The following CCNB3 variants were observed in gnomAD, a reference collection of about 807,000 sequenced individuals.
The protein encoded by CCNB3 is cyclin B3, also known as G2/mitotic-specific cyclin-B3.
In CCNB3, 12 loss-of-function variants were observed where a neutral mutation model predicts 68.0. That is an observed-to-expected ratio of 0.18 (90% confidence interval 0.11 to 0.29). CCNB3 has a LOEUF of 0.29. Ranked by LOEUF, CCNB3 falls within the 10% of genes least tolerant of loss-of-function variation. The pLI is 1.00. For missense variants in CCNB3, 904 were observed against 993.1 expected, an observed-to-expected ratio of 0.91 and a Z score of 1.21; for synonymous variants, 354 against 388.9, an observed-to-expected ratio of 0.91 and a Z score of 1.06.
At chrX:50,340,397 G>A (rs1194377865) in intron 8 of CCNB3, among the ~76,000 whole-genome samples, 1 of 112,589 alleles carries the variant, frequency 8.9e-6, no homozygotes, top group Admixed American at 9.4e-5. Flanking sequence ...TTCATGCATT[G>A]GTTGAGTTGT....
intron 1 of CCNB3, among the ~76,000 whole-genome samples, chrX:50,216,283 G>A (rs1935571087): frequency 9.6e-6 from 1 of 103,928 alleles, no homozygotes; most frequent in African/African-American, 3.6e-5. Flanking sequence ...GTGTGTGTGT[G>A]TGTGAGACAG....
chrX:50,306,472 C>T (rs1921079878), intron 5 of CCNB3, among the ~76,000 whole-genome samples: 1 of 111,370 alleles, frequency 9.0e-6, no homozygotes, highest in Non-Finnish European at 1.9e-5. Flanking sequence ...GTTTTCTTGC[C>T]TACTTGCCCT....
intron 5 of CCNB3, among the ~76,000 whole-genome samples, chrX:50,295,560 A>T (rs782121526): frequency 9.0e-6 from 1 of 111,642 alleles, no homozygotes; most frequent in South Asian, 3.8e-4. Flanking sequence ...TTCCGGTGGG[A>T]ATTATTCTTC....
intron 4 of CCNB3, among the ~76,000 whole-genome samples, chrX:50,292,078 G>A (rs1409693600): frequency 9.0e-6 from 1 of 111,313 alleles, no homozygotes; most frequent in Non-Finnish European, 1.9e-5. Context: ...CCCTTTACCC[G>A]TAAGTACAGT....
At chrX:50,215,447 T>G (rs1431181326) in intron 1 of CCNB3, among the ~76,000 whole-genome samples, 2 of 110,317 alleles carry the variant, frequency 1.8e-5, no homozygotes, top group Admixed American at 9.6e-5. Flanking sequence ...GCACTTGAAA[T>G]GAATGTGTAT....
intron 1 of CCNB3, among the ~76,000 whole-genome samples, chrX:50,217,568 G>A (rs1387233922): frequency 2.7e-5 from 3 of 110,628 alleles, no homozygotes; most frequent in African/African-American, 6.6e-5. Flanking sequence ...CACCGCACCC[G>A]GCCATTTTTC....
At chrX:50,328,669 A>G (rs1246408160) in intron 8 of CCNB3, among the ~76,000 whole-genome samples, 1 of 111,846 alleles carries the variant, frequency 8.9e-6, no homozygotes, top group East Asian at 2.8e-4. Context: ...CACATTGTAA[A>G]TTACAATCAT....
intron 5 of CCNB3, among the ~76,000 whole-genome samples, chrX:50,297,454 A>G (rs1557211379): frequency 9.0e-6 from 1 of 111,269 alleles, no homozygotes; most frequent in Non-Finnish European, 1.9e-5. Context: ...GTGTGGTATT[A>G]TTTCTGAGGG....
intron 8 of CCNB3, among the ~76,000 whole-genome samples, chrX:50,329,272 C>A (rs1321484049): frequency 8.9e-6 from 1 of 112,227 alleles, no homozygotes; most frequent in Non-Finnish European, 1.9e-5. Context: ...CCCCATATTT[C>A]CCTTCCAAAC....
intron 1 of CCNB3, among the ~76,000 whole-genome samples, chrX:50,282,438 C>T (rs1437553414): frequency 8.9e-6 from 1 of 111,821 alleles, no homozygotes; most frequent in Non-Finnish European, 1.9e-5. Flanking sequence ...GCCCTGCTGC[C>T]CCTTTGTTTG....
At chrX:50,227,390 A>T (rs1028783529) in intron 1 of CCNB3, among the ~76,000 whole-genome samples, 2 of 88,161 alleles carry the variant, frequency 2.3e-5, no homozygotes, top group African/African-American at 8.3e-5. Context: ...ATATACATAG[A>T]TATATATAAA....
rs782806253 is a variant in CCNB3, at chrX:50,313,986, C to G, written c.3516+38C>G. On this transcript the variant is annotated intron_variant, in intron 8 of 12. Coordinates refer to ENST00000376042, the MANE Select transcript of CCNB3 (RefSeq NM_033031.3). ...ACTCCTGCCTTAAGGAGCTGCTGTTCTCTTTCTCATTCAGGGCTGCCAGGC... is the reference window on the plus strand; with the variant it reads ...ACTCCTGCCTTAAGGAGCTGCTGTTGTCTTTCTCATTCAGGGCTGCCAGGC... 3.9e-5 allele frequency: 41 copies of G among 1,051,264 alleles called. No homozygotes were observed. The South Asian group carries it at 7.2e-4, about 18-fold the overall frequency. The allele number at this position is 1,051,264 out of a possible 1,213,427, so 86.6% of individuals were successfully genotyped here.
At chrX:50,281,555 C>T (rs1936137141) in intron 1 of CCNB3, among the ~76,000 whole-genome samples, 1 of 110,856 alleles carries the variant, frequency 9.0e-6, no homozygotes, top group Admixed American at 9.7e-5. Context: ...GGATGCGCGG[C>T]GTTCCTGTAA....
chrX:50,222,046 T>A (rs1189396666), intron 1 of CCNB3, among the ~76,000 whole-genome samples: 1 of 111,241 alleles, frequency 9.0e-6, no homozygotes, highest in Non-Finnish European at 1.9e-5. Flanking sequence ...TTTTTTTTGA[T>A]CTTTGTTGGT....
chrX:50,329,354 C>T (rs1922468369), intron 8 of CCNB3, among the ~76,000 whole-genome samples: 1 of 112,944 alleles, frequency 8.9e-6, no homozygotes, highest in Non-Finnish European at 1.9e-5. Context: ...CAGGTTTTTC[C>T]ATACATCCTC....
chrX:50,325,116 A>G (rs782326753), intron 8 of CCNB3, among the ~76,000 whole-genome samples: 1 of 111,236 alleles, frequency 9.0e-6, no homozygotes, highest in South Asian at 3.8e-4. Flanking sequence ...TGGCTTAATA[A>G]TTATATAATT....
intron 5 of CCNB3, among the ~76,000 whole-genome samples, chrX:50,299,914 T>A (rs1936585777): frequency 9.0e-6 from 1 of 111,705 alleles, no homozygotes; most frequent in Admixed American, 9.5e-5. Context: ...TTTTGATCTT[T>A]GTTGGTTTAA....
intron 7 of CCNB3, 131 bp downstream of exon 7, chrX:50,312,763 G>T: frequency 2.2e-6 from 1 of 459,172 alleles, no homozygotes; most frequent in Non-Finnish European, 3.8e-6. Context: ...CTAACATATT[G>T]GTAGCTTACT....
Position 50,312,587 on chromosome X carries a change from C to A in CCNB3, c.3378C>A (p.Asn1126Lys). The change falls in exon 7 of 13, where the codon AAC (asparagine) becomes AAA (lysine). Residue 1126 changes from asparagine to lysine, a missense_variant. By Grantham distance (94) the Asn-to-Lys change is moderately conservative (BLOSUM62 0). Transcript: ENST00000376042. ...IDEDSSDPSF[N>K]PMYAKEIFSY... is the part of the protein sequence containing the mutation. ...AGGACAGCAGTGATCCAAGTTTCAA[C>A]CCAATGTATGCCAAGGAAATCTTCA... The A allele has an allele frequency of 8.3e-7, 1 of 1,207,017 alleles. No individual in the cohort carries two copies. The highest frequency in any genetic ancestry group is 1.1e-6 in the Non-Finnish European group (1 of 892,573).
Sources: allele counts gnomAD v4.1 joint callset (sites outside exome capture counted in the v4.1 genomes callset), GRCh38; gene constraint gnomAD v4.1.1; transcripts MANE v1.5; gene names NCBI Gene and HGNC (gene_info 2026-07-23, HGNC 2026-07-21).